The following CNTNAP5 variants were observed in gnomAD, a reference collection of about 807,000 sequenced individuals.
The protein encoded by CNTNAP5 is contactin associated protein family member 5, also known as contactin-associated protein-like 5.
CNTNAP5 carries 72 observed loss-of-function variants against 150.2 expected under a neutral mutation model. The ratio of observed to expected loss-of-function variants is 0.48; its 90% CI spans 0.40 to 0.58. The LOEUF is 0.58. CNTNAP5 is among the 20% of genes least tolerant of loss of function. CNTNAP5 has a pLI of 0.00. For missense variants in CNTNAP5, 1,636 were observed against 1,626.2 expected (o/e 1.01, Z -0.10); for synonymous variants, 672 against 619.8 (o/e 1.08, Z -1.25).
intron 1 of CNTNAP5, among the ~76,000 whole-genome samples, chr2:124,084,134 T>C (rs1682623645): frequency 1.3e-5 from 2 of 152,154 alleles, no homozygotes; most frequent in African/African-American, 2.4e-5. Flanking sequence ...TTCTGAGTGA[T>C]TGCAAATGAT....
At position 124,730,889 on chromosome 2, in the gene CNTNAP5, G is replaced by C. The variant is rs1003597195; in HGVS notation, c.2078-16340G>C. Among the ~76,000 whole-genome samples the C allele has an allele frequency of 7.2e-5, 11 of 152,082 alleles. 1 individual carries two copies. The highest frequency in any genetic ancestry group is 7.2e-4 in the Admixed American group (11 of 15,248). The stretch of plus-strand genomic sequence containing the variant: ...TAATATTCTTCAGATATGGGGCTGT[G>C]AAATAGGAGATACAGGCATGAAATC... On this transcript the variant is annotated intron_variant, in intron 13 of 23. Transcript: ENST00000682447.
rs1175960472 is a variant in CNTNAP5 at position 124,360,668 on chromosome 2, C to G, written c.382-56775C>G. Among the ~76,000 whole-genome samples the G allele has an allele frequency of 2.3e-5, 3 of 128,492 alleles. 1 individual carries two copies. In the East Asian group the frequency reaches 6.8e-4, roughly 29 times the overall value. The allele number at this position is 128,492 out of a possible 152,430, so 84.3% of individuals were successfully genotyped here. A position where few individuals can be genotyped will look rare whatever the true frequency, so the allele number is the denominator to read the frequency against. On this transcript the variant is annotated intron_variant, in intron 3 of 23. Coordinates refer to ENST00000682447, the MANE Select transcript of CNTNAP5 (RefSeq NM_001367498.1). ...CTCTTCTGGCTTGTAGGGTTTCTGC[C>G]GAGAGATCCGCTGTTAGTCTGATGG...
intron 1 of CNTNAP5, among the ~76,000 whole-genome samples, chr2:124,168,809 C>G (rs529079947): frequency 1.8e-4 from 28 of 152,098 alleles, no homozygotes; most frequent in South Asian, 1.0e-3. Flanking sequence ...AAATTTTTTT[C>G]TCACCAAAAC....
chr2:124,271,267 A>C (rs962141578), intron 3 of CNTNAP5, among the ~76,000 whole-genome samples: 16 of 152,160 alleles, frequency 1.1e-4, no homozygotes, highest in African/African-American at 3.9e-4. Flanking sequence ...AAGGAAAATA[A>C]ATTCCATAAG....
intron 3 of CNTNAP5, among the ~76,000 whole-genome samples, chr2:124,250,921 T>A (rs1687156871): frequency 1.3e-5 from 2 of 152,136 alleles, no homozygotes. Flanking sequence ...TACTCTTAAG[T>A]ACGGTTTCCA....
chr2:124,571,635 C>G (rs908022008), intron 11 of CNTNAP5, among the ~76,000 whole-genome samples: 3 of 138,212 alleles, frequency 2.2e-5, no homozygotes, highest in African/African-American at 7.9e-5. Context: ...CAGGTTCAAG[C>G]GATTCTCCTA....
intron 19 of CNTNAP5, among the ~76,000 whole-genome samples, chr2:124,829,316 A>G (rs1204005388): frequency 6.6e-6 from 1 of 152,210 alleles, no homozygotes; most frequent in Non-Finnish European, 1.5e-5. Flanking sequence ...TTGCATTTAC[A>G]GAACCAGTAT....
At chr2:124,893,445 C>T (rs1300548236) in intron 21 of CNTNAP5, among the ~76,000 whole-genome samples, 1 of 152,100 alleles carries the variant, frequency 6.6e-6, no homozygotes, top group Non-Finnish European at 1.5e-5. Context: ...ATGGTAGTTC[C>T]ATGACCTTTA....
intron 1 of CNTNAP5, among the ~76,000 whole-genome samples, chr2:124,162,441 G>A (rs1256299373): frequency 2.0e-5 from 3 of 152,168 alleles, no homozygotes; most frequent in Non-Finnish European, 4.4e-5. Context: ...AGTAAAGGTG[G>A]CAGAGCTGGA....
At chr2:124,563,685 A>T in intron 11 of CNTNAP5, among the ~76,000 whole-genome samples, 1 of 152,196 alleles carries the variant, frequency 6.6e-6, no homozygotes, top group East Asian at 1.9e-4. Flanking sequence ...ACAAACTAAC[A>T]TCTCTGTGGT....
chr2:124,729,589 G>T (rs756327076), intron 13 of CNTNAP5, among the ~76,000 whole-genome samples: 1 of 151,908 alleles, frequency 6.6e-6, no homozygotes, highest in Admixed American at 6.6e-5. Flanking sequence ...GAATCAATGG[G>T]GTAAGATTGT....
chr2:124,570,291 C>A (rs1696121818), intron 11 of CNTNAP5, among the ~76,000 whole-genome samples: 1 of 152,114 alleles, frequency 6.6e-6, no homozygotes, highest in African/African-American at 2.4e-5. Flanking sequence ...AATAATTGAC[C>A]TTTTAGCAGA....
chr2:124,077,241 G>A (rs775648885), intron 1 of CNTNAP5, among the ~76,000 whole-genome samples: 17 of 151,852 alleles, frequency 1.1e-4, no homozygotes, highest in Admixed American at 3.3e-4. Flanking sequence ...TAACTACACC[G>A]TGGATAACAT....
chr2:124,663,706 C>T (rs1678640110), intron 13 of CNTNAP5, among the ~76,000 whole-genome samples: 1 of 152,228 alleles, frequency 6.6e-6, no homozygotes, highest in East Asian at 1.9e-4. Flanking sequence ...AAGAGAGATT[C>T]TCAACATGGA....
At chr2:124,371,405 T>A (rs1176983845) in intron 3 of CNTNAP5, among the ~76,000 whole-genome samples, 9 of 152,132 alleles carry the variant, frequency 5.9e-5, no homozygotes. Flanking sequence ...ATGGTAGATT[T>A]TCTCAAAGTA....
At chr2:124,613,903 G>A (rs1009103294) in intron 12 of CNTNAP5, among the ~76,000 whole-genome samples, 3 of 152,306 alleles carry the variant, frequency 2.0e-5, no homozygotes, top group African/African-American at 7.2e-5. Flanking sequence ...TTTTGACGGG[G>A]TGCCATCCTT....
rs1170680025 is a variant in CNTNAP5, at chr2:124,446,827, C to T, written c.808C>T (p.His270Tyr). ...CAGCCTCCTGGATGACCAGCACTGG[C>T]ACTCGGTCCTCATTGAGCGGGTGGG... is the stretch of plus-strand genomic sequence containing the variant. ...LGSLLDDQHW[H>Y]SVLIERVGKQ... is the part of the protein sequence containing the mutation. The change falls in exon 6 of 24, where the codon CAC (histidine) becomes TAC (tyrosine). Residue 270 changes from histidine to tyrosine, a missense_variant. By Grantham distance (83) the His-to-Tyr change is moderately conservative (BLOSUM62 2). Coordinates refer to ENST00000682447, the MANE Select transcript of CNTNAP5 (RefSeq NM_001367498.1). 1 of 1,613,924 alleles carries T rather than the reference C, an allele frequency of 6.2e-7. No individual in the cohort carries two copies.
chr2:124,500,699 A>G (rs528162775), intron 7 of CNTNAP5, among the ~76,000 whole-genome samples: 1 of 152,184 alleles, frequency 6.6e-6, no homozygotes, highest in Admixed American at 6.5e-5. Flanking sequence ...GCCAGAAAAA[A>G]CAGACATTGT....
intron 1 of CNTNAP5, among the ~76,000 whole-genome samples, chr2:124,169,255 G>A (rs1684876683): frequency 6.6e-6 from 1 of 151,988 alleles, no homozygotes; most frequent in African/African-American, 2.4e-5. Flanking sequence ...GGTTCTTATT[G>A]GCCTGGGTTA....
Sources: gnomAD v4.1 joint callset for allele counts (sites outside exome capture counted in the v4.1 genomes callset) on GRCh38, gnomAD v4.1.1 for gene constraint, MANE v1.5 for transcripts, NCBI Gene and HGNC (gene_info 2026-07-23, HGNC 2026-07-21) for gene names.